Variants in C14orf39 observed in about 807,000 individuals in gnomAD.
The protein encoded by C14orf39 is chromosome 14 open reading frame 39.
A neutral mutation model predicts 85.6 loss-of-function variants in C14orf39; 66 were observed. The ratio of observed to expected loss-of-function variants is 0.77; its 90% CI spans 0.63 to 0.95. The LOEUF (loss-of-function observed/expected upper bound fraction) is 0.95, where lower values mean the gene tolerates loss of function less well. Among genes scored for constraint, C14orf39 ranks in the 40% least tolerant of loss-of-function variants. The pLI, the probability that C14orf39 is intolerant of heterozygous loss-of-function variation, is 0.00. For synonymous variants in C14orf39, 242 were observed against 214.0 expected, an observed-to-expected ratio of 1.13 and a Z score of -1.14; for missense variants, 735 against 663.9, an observed-to-expected ratio of 1.11 and a Z score of -1.18.
chr14:60,466,890 T>A, intron 10 of C14orf39, 27 bp downstream of exon 10: 3 of 1,450,006 alleles, frequency 2.1e-6, no homozygotes, highest in East Asian at 2.7e-5. Context: ...AAAAATGATG[T>A]TTTTGAATAA....
chr14:60,436,798 C>T lies in C14orf39; in HGVS notation c.*47G>A. 1 of 1,316,976 alleles carries T rather than the reference C, an allele frequency of 7.6e-7. No individual in the cohort carries two copies. The highest frequency in any genetic ancestry group is 1.1e-6 in the Non-Finnish European group (1 of 933,212). 81.6% of individuals were successfully genotyped at this position (1,316,976 alleles called of 1,614,324 possible). A position where few individuals can be genotyped will look rare whatever the true frequency, so the allele number is the denominator to read the frequency against. On this transcript the variant is annotated 3_prime_UTR_variant, in exon 18 of 18. Transcript: ENST00000321731. ...TTAAGCAATAATGTAAATTTATGCC[C>T]TCATGAACACAGAACAGTAAAATAA...
chr14:60,497,210 C>T (rs1015645553), intron 2 of C14orf39, among the ~76,000 whole-genome samples: 2 of 152,224 alleles, frequency 1.3e-5, no homozygotes, highest in Non-Finnish European at 2.9e-5. Context: ...ACCTCCTTCT[C>T]ATTCTTCAAC....
intron 1 of C14orf39, chr14:60,509,960 G>A (rs1277078601): frequency 6.2e-7 from 1 of 1,603,154 alleles, no homozygotes; most frequent in Non-Finnish European, 8.5e-7. Context: ...AGCGGCTGCA[G>A]CCAAGAACAG....
intron 16 of C14orf39, among the ~76,000 whole-genome samples, chr14:60,446,162 C>A (rs1351721967): frequency 3.3e-5 from 5 of 151,992 alleles, no homozygotes; most frequent in Non-Finnish European, 1.5e-5. Context: ...GCTAGAGGAG[C>A]AAGAGCAAAG....
At chr14:60,479,183 ATAAT>A (rs764073689) in intron 4 of C14orf39, among the ~76,000 whole-genome samples, 14 of 152,212 alleles carry the variant, frequency 9.2e-5, no homozygotes, top group Non-Finnish European at 1.3e-4. Context: ...AGATGTTACT[ATAAT>A]TATACATTTT....
At chr14:60,509,231 G>C in intron 1 of C14orf39, 1 of 641,796 alleles carries the variant, frequency 1.6e-6, no homozygotes. Context: ...TCCTCCAGTC[G>C]GGGTCGTCCG....
chr14:60,449,387 A>T (rs538846375), intron 16 of C14orf39, among the ~76,000 whole-genome samples: 2 of 152,296 alleles, frequency 1.3e-5, no homozygotes, highest in East Asian at 3.9e-4. Flanking sequence ...GTGTAAGATG[A>T]ATGCGTAATT....
At chr14:60,438,874 C>T (rs1167707101) in intron 17 of C14orf39, among the ~76,000 whole-genome samples, 1 of 151,994 alleles carries the variant, frequency 6.6e-6, no homozygotes, top group Non-Finnish European at 1.5e-5. Flanking sequence ...GCACAGGTTA[C>T]CCTTATAAGA....
chr14:60,491,032 T>G (rs1373491527), upstream of C14orf39, among the ~76,000 whole-genome samples: 1 of 152,216 alleles, frequency 6.6e-6, no homozygotes, highest in East Asian at 1.9e-4. The surrounding 1 kb of genome is among the most constrained non-coding windows in gnomAD (Gnocchi z 4.5). Flanking sequence ...TGGATTTAAA[T>G]GCTGGGCAGT....
chr14:60,509,209 G>A (rs890642119), intron 1 of C14orf39: 5 of 604,278 alleles, frequency 8.3e-6, no homozygotes, highest in African/African-American at 5.6e-5. Flanking sequence ...CCCAAGCCGC[G>A]GAGCCAGCAC....
At chr14:60,442,384 CTT>C (rs1890561417) in intron 16 of C14orf39, among the ~76,000 whole-genome samples, 1 of 152,098 alleles carries the variant, frequency 6.6e-6, no homozygotes, top group Admixed American at 6.5e-5. Flanking sequence ...ACTTTAGAAT[CTT>C]AATATGATAT....
upstream of C14orf39, among the ~76,000 whole-genome samples, chr14:60,488,757 A>G (rs762576450): frequency 6.6e-6 from 1 of 152,078 alleles, no homozygotes; most frequent in Admixed American, 6.5e-5. Flanking sequence ...CATCACATTT[A>G]ACTACTTTCT....
At position 60,461,721 on chromosome 14, in the gene C14orf39, A is replaced by G. The variant is rs1397930017; in HGVS notation, c.973-128T>C. ...CTTTCCATCATTACCATCATTATCA[A>G]CATCAACAACTACACACATTAACTG... On this transcript the variant is annotated intron_variant, in intron 11 of 17. Transcript: ENST00000321731. 4 of 536,498 alleles carry G rather than the reference A, an allele frequency of 7.5e-6. No individual in the cohort carries two copies. In the East Asian group the frequency reaches 9.0e-5, roughly 12 times the overall value. 33.2% of individuals were successfully genotyped at this position (536,498 alleles called of 1,614,324 possible).
At chr14:60,444,568 G>A (rs1038916374) in intron 16 of C14orf39, among the ~76,000 whole-genome samples, 2 of 152,192 alleles carry the variant, frequency 1.3e-5, no homozygotes, top group Non-Finnish European at 2.9e-5. Context: ...CCAAATATAC[G>A]TTTGATTGGT....
At chr14:60,441,194 G>T (rs148542172) in intron 17 of C14orf39, among the ~76,000 whole-genome samples, 36 of 152,180 alleles carry the variant, frequency 2.4e-4, no homozygotes, top group African/African-American at 8.7e-4. Context: ...TGAATTAGAG[G>T]AGCTATGAGT....
rs768365844 is a variant in C14orf39 at position 60,459,529 on chromosome 14, CA to C, written c.1118-791del. Reference sequence around the variant, plus strand: ...ACTCCAGGAAATCATTCATTATCACCAGACAAAATGATTAGCTCCAATTATA... The same window carrying C: ...ACTCCAGGAAATCATTCATTATCACCGACAAAATGATTAGCTCCAATTATA... On this transcript the variant is annotated intron_variant, in intron 13 of 17. Coordinates refer to ENST00000321731, the MANE Select transcript of C14orf39 (RefSeq NM_174978.3). Among the ~76,000 whole-genome samples the C allele has an allele frequency of 5.3e-5, 8 of 151,662 alleles. No individual in the cohort carries two copies. In the East Asian group the frequency reaches 1.2e-3, roughly 22 times the overall value.
intron 5 of C14orf39, among the ~76,000 whole-genome samples, chr14:60,475,237 G>T (rs555348525): frequency 2.6e-5 from 4 of 151,922 alleles, no homozygotes; most frequent in Admixed American, 6.6e-5. Flanking sequence ...CTGTGGGATC[G>T]GTGGTGATAT....
Position 60,437,086 on chromosome 14 carries a change from TTA to T in C14orf39, c.1562-41_1562-40del, listed in dbSNP as rs771450960. ...ACATTACAATATCATGCTCTTCATA[TTA>T]TATAAAATTTTTATAACCTACTGAA... On this transcript the variant is annotated intron_variant, in intron 17 of 17. Coordinates refer to ENST00000321731, the MANE Select transcript of C14orf39 (RefSeq NM_174978.3). The T allele has an allele frequency of 1.2e-5, 17 of 1,387,558 alleles. No individual in the cohort carries two copies. The South Asian group carries it at 2.3e-4, about 18-fold the overall frequency. The allele number at this position is 1,387,558 out of a possible 1,614,324, so 86.0% of individuals were successfully genotyped here.
Position 60,501,841 on chromosome 14 carries a change from C to T in C14orf39, c.-143-2411G>A, listed in dbSNP as rs144890356. ...GTGAGACATCATTAAGACAATATGG[C>T]CTAATTGATATATTAAGTGGATAGT... On this transcript the variant is annotated intron_variant, in intron 1 of 5. Transcript: ENST00000556799. Among the ~76,000 whole-genome samples, 245 of 152,206 alleles carry T rather than the reference C, an allele frequency of 1.6e-3. 1 individual carries two copies. The highest frequency in any genetic ancestry group is 5.6e-3 in the African/African-American group (234 of 41,516).
Sources: gnomAD v4.1 joint callset for allele counts (sites outside exome capture counted in the v4.1 genomes callset) on GRCh38, gnomAD v4.1.1 for gene constraint, Gnocchi (gnomAD v3.1) non-coding constraint, MANE v1.5 for transcripts, NCBI Gene and HGNC (gene_info 2026-07-23, HGNC 2026-07-21) for gene names.